ZYG11B: variants seen among roughly 807,000 people sequenced by gnomAD.
ZYG11B encodes protein zyg-11 homolog B.
Under a neutral mutation model 82.4 loss-of-function variants are expected in ZYG11B, and 36 were observed. The observed-to-expected ratio is 0.44, with a 90% CI of 0.33 to 0.58. The LOEUF (loss-of-function observed/expected upper bound fraction) is 0.58, where lower values mean the gene tolerates loss of function less well. ZYG11B is among the 20% of genes least tolerant of loss of function. The pLI, the probability that ZYG11B is intolerant of heterozygous loss-of-function variation, is 0.02. For missense variants in ZYG11B, 552 were observed against 895.6 expected, an observed-to-expected ratio of 0.62 and a Z score of 4.90; for synonymous variants, 303 against 312.8, an observed-to-expected ratio of 0.97 and a Z score of 0.33.
At position 52,821,334 on chromosome 1, in the gene ZYG11B, T is replaced by C. The variant is rs12065329; in HGVS notation, c.2045-105T>C. On this transcript the variant is annotated intron_variant, in intron 13 of 13. Coordinates refer to ENST00000294353, the MANE Select transcript of ZYG11B (RefSeq NM_024646.3). ...TGTTAGTGATCAATAACAAAACAGCTAAAAAAAAATGGCTCCTAGAAGTCA... is the reference window on the plus strand; with the variant it reads ...TGTTAGTGATCAATAACAAAACAGCCAAAAAAAAATGGCTCCTAGAAGTCA... The C allele has an allele frequency of 8.4e-3, 9,626 of 1,141,952 alleles. 515 individuals carry two copies. In the African/African-American group the frequency reaches 0.13, roughly 15 times the overall value. The allele number at this position is 1,141,952 out of a possible 1,614,324, so 70.7% of individuals were successfully genotyped here.
chr1:52,752,326 G>A (rs953321863), intron 1 of ZYG11B, among the ~76,000 whole-genome samples: 2 of 152,162 alleles, frequency 1.3e-5, no homozygotes, highest in African/African-American at 4.8e-5. Context: ...AACCTATGGG[G>A]GAAGGAGCTT....
intron 1 of ZYG11B, among the ~76,000 whole-genome samples, chr1:52,727,904 T>G (rs7548832): frequency 1.3e-5 from 2 of 152,002 alleles, no homozygotes; most frequent in Admixed American, 1.3e-4. Flanking sequence ...GTCCTGATAA[T>G]TATGTTCCCC....
chr1:52,776,346 CATG>C (rs1172350855), intron 3 of ZYG11B, among the ~76,000 whole-genome samples: 3 of 146,746 alleles, frequency 2.0e-5, no homozygotes, highest in Non-Finnish European at 3.0e-5. Context: ...GCCTAGCCAA[CATG>C]ATGAAACCTT....
At chr1:52,795,745 G>A (rs1240798004) in intron 6 of ZYG11B, among the ~76,000 whole-genome samples, 2 of 151,944 alleles carry the variant, frequency 1.3e-5, no homozygotes, top group Non-Finnish European at 2.9e-5. Flanking sequence ...GTAGCATATG[G>A]TCAGTACCTA....
At chr1:52,812,426 G>A (rs756014004) in intron 10 of ZYG11B, among the ~76,000 whole-genome samples, 3 of 151,832 alleles carry the variant, frequency 2.0e-5, no homozygotes, top group Non-Finnish European at 4.4e-5. Context: ...TTTGTGAGAC[G>A]GAGTCTCGCT....
At chr1:52,740,229 T>G (rs1339886835) in intron 1 of ZYG11B, among the ~76,000 whole-genome samples, 1 of 152,238 alleles carries the variant, frequency 6.6e-6, no homozygotes, top group Non-Finnish European at 1.5e-5. Context: ...TGAATTTTTG[T>G]TTTGTTTCCT....
Position 52,785,060 on chromosome 1 carries a change from T to G in ZYG11B, c.1269+7T>G. 6.2e-7 allele frequency: 1 copy of G among 1,611,144 alleles called. No individual in the cohort carries two copies. The highest frequency in any genetic ancestry group is 8.5e-7 in the Non-Finnish European group (1 of 1,179,230). The stretch of plus-strand genomic sequence containing the variant: ...TTTTCCCAATCACCAGCAGGTAAGC[T>G]TATGTGAATTCCTTTTCAAATAGTC... On this transcript the variant is annotated splice_region_variant and intron_variant, in intron 5 of 13. Transcript: ENST00000294353.
At chr1:52,753,190 T>A (rs970104017) in intron 1 of ZYG11B, among the ~76,000 whole-genome samples, 1 of 152,158 alleles carries the variant, frequency 6.6e-6, no homozygotes, top group African/African-American at 2.4e-5. Context: ...CTGTAAACAT[T>A]CACATACAAG....
chr1:52,756,815 CTTTTTTT>C (rs57189955), intron 2 of ZYG11B, among the ~76,000 whole-genome samples, 192 bp downstream of exon 2: 64 of 132,564 alleles, frequency 4.8e-4, no homozygotes, highest in Non-Finnish European at 6.2e-4. Context: ...AAACATTTTT[CTTTTTTT>C]TTTTTTTTTT....
intron 5 of ZYG11B, among the ~76,000 whole-genome samples, chr1:52,786,191 A>G (rs1295724711): frequency 6.6e-6 from 1 of 152,212 alleles, no homozygotes; most frequent in East Asian, 1.9e-4. Flanking sequence ...TTGAAAATTC[A>G]CTGGCAAAGT....
intron 12 of ZYG11B, among the ~76,000 whole-genome samples, chr1:52,814,887 G>A (rs1349833101): frequency 1.3e-5 from 2 of 152,220 alleles, no homozygotes; most frequent in African/African-American, 2.4e-5. Context: ...GCCAGGCATT[G>A]TGGCTCATGC....
intron 10 of ZYG11B, among the ~76,000 whole-genome samples, 195 bp downstream of exon 10, chr1:52,802,334 TTCTC>T (rs200268616): frequency 7.0e-6 from 1 of 142,910 alleles, no homozygotes; most frequent in Admixed American, 7.3e-5. Flanking sequence ...ATTTCTTTCT[TTCTC>T]TCTTTTTTTT....
intron 3 of ZYG11B, among the ~76,000 whole-genome samples, chr1:52,779,035 G>T (rs1490355977): frequency 6.6e-6 from 1 of 152,118 alleles, no homozygotes; most frequent in South Asian, 2.1e-4. Flanking sequence ...TAAATCAGTG[G>T]CTCAACAAAG....
At chr1:52,797,655 C>T (rs1025011867) in intron 8 of ZYG11B, among the ~76,000 whole-genome samples, 2 of 149,278 alleles carry the variant, frequency 1.3e-5, no homozygotes, top group Non-Finnish European at 3.0e-5. Context: ...ACTACAGGCG[C>T]CTGCCACCAT....
intron 4 of ZYG11B, among the ~76,000 whole-genome samples, chr1:52,783,882 A>ATGTACGTACACGTGTGTGTG (rs74208826): frequency 7.9e-6 from 1 of 126,012 alleles, no homozygotes; most frequent in Non-Finnish European, 1.6e-5. Flanking sequence ...ACGTGTGTGT[A>ATGTACGTACACGTGTGTGTG]TATGTACATA....
At chr1:52,773,628 T>TATATATATATATTC (rs59444202) in intron 3 of ZYG11B, among the ~76,000 whole-genome samples, 1 of 13,188 alleles carries the variant, frequency 7.6e-5, no homozygotes. Context: ...TATATATATA[T>TATATATATATATTC]TTTTTTTTTT....
Position 52,784,156 on chromosome 1 carries a change from T to C in ZYG11B, c.1093-721T>C, listed in dbSNP as rs1371929789. Among the ~76,000 whole-genome samples the C allele has an allele frequency of 2.6e-5, 4 of 152,080 alleles. No individual in the cohort carries two copies. The East Asian group carries it at 7.7e-4, about 29-fold the overall frequency. On this transcript the variant is annotated intron_variant, in intron 4 of 13. Coordinates refer to ENST00000294353, the MANE Select transcript of ZYG11B (RefSeq NM_024646.3). ...ACAGGCACGTGCCACCATGCCCAGC[T>C]ACTTTCTGTATTTTTAGTAGAGATG...
intron 1 of ZYG11B, among the ~76,000 whole-genome samples, chr1:52,737,374 T>C (rs999015178): frequency 1.3e-5 from 2 of 152,206 alleles, no homozygotes; most frequent in Admixed American, 1.3e-4. Context: ...GTCTCCAGAT[T>C]GTGAGCTCTT....
chr1:52,817,777 G>GTATGTATATATA (rs1645240000), intron 13 of ZYG11B, among the ~76,000 whole-genome samples: 7 of 41,540 alleles, frequency 1.7e-4, no homozygotes. Flanking sequence ...ATATATATGT[G>GTATGTATATATA]TATATATATA....
Sources: gnomAD v4.1 joint callset for allele counts (sites outside exome capture counted in the v4.1 genomes callset) on GRCh38, gnomAD v4.1.1 for gene constraint, MANE v1.5 for transcripts, NCBI Gene and HGNC (gene_info 2026-07-23, HGNC 2026-07-21) for gene names.